SIPA1: variants seen among roughly 807,000 people sequenced by gnomAD.
SIPA1 encodes signal-induced proliferation-associated 1, also known as signal-induced proliferation-associated protein 1.
A neutral mutation model predicts 88.1 loss-of-function variants in SIPA1; 51 were observed. The observed-to-expected ratio is 0.58, with a 90% CI of 0.46 to 0.73. SIPA1 has a LOEUF of 0.73. Ranked by LOEUF, SIPA1 falls within the 30% of genes least tolerant of loss-of-function variation. The probability of loss-of-function intolerance (pLI) is 0.00; values close to 1 mark genes in which losing one functional copy is unlikely to be tolerated. For missense variants in SIPA1, 1,348 were observed against 1,467.6 expected, an observed-to-expected ratio of 0.92 and a Z score of 1.33; for synonymous variants, 681 against 664.8, an observed-to-expected ratio of 1.02 and a Z score of -0.37.
rs764805444 is a variant in SIPA1, at chr11:65,647,008, G to A, written c.1974G>A (p.Thr658=). The change falls in exon 8 of 16, where the codon ACG becomes ACA. Residue 658 remains threonine (T), a synonymous_variant. Coordinates refer to ENST00000534313, the MANE Select transcript of SIPA1 (RefSeq NM_006747.4). The part of the protein sequence containing the change: ...DLYHGRGEAI[T]LRFDGSPGQA... The stretch of plus-strand genomic sequence containing the variant: ...ACCACGGCCGCGGGGAGGCGATCAC[G>A]CTGCGCTTCGACGGGTCCCCCGGCC... The A allele has an allele frequency of 3.2e-5, 50 of 1,540,084 alleles. No individual in the cohort carries two copies. Among genetic ancestry groups the A allele is most frequent in the Non-Finnish European group, 4.2e-5 (48 of 1,148,856 alleles).
At position 65,646,751 on chromosome 11, in the gene SIPA1, G is replaced by T; in HGVS notation, c.1717G>T (p.Ala573Ser). 1.3e-6 allele frequency: 2 copies of T among 1,505,802 alleles called. No individual in the cohort carries two copies. Among genetic ancestry groups the T allele is most frequent in the Non-Finnish European group, 8.8e-7 (1 of 1,133,464 alleles). 93.3% of individuals were successfully genotyped at this position (1,505,802 alleles called of 1,614,324 possible). A position where few individuals can be genotyped will look rare whatever the true frequency, so the allele number is the denominator to read the frequency against. The stretch of plus-strand genomic sequence containing the variant: ...CCGGGCGGCCCCTCGGGGCCCAGGC[G>T]CCGAGCTGCAGGCAGCGGGCTCACT... ...RRRAAPRGPG[A>S]ELQAAGSLVW... The change falls in exon 8 of 16, where the codon GCC becomes TCC. Residue 573 changes from alanine to serine, a missense_variant. This residue lies in a region of SIPA1 where 68 missense variants were observed against 59.0 expected (regional missense o/e 1.15). Coordinates refer to ENST00000534313, the MANE Select transcript of SIPA1 (RefSeq NM_006747.4). The surrounding 1 kb of genome is among the most constrained non-coding windows in gnomAD (Gnocchi z 7.5).
In SIPA1 at chr11:65,649,804, G is replaced by A. The variant is rs923591113; in HGVS notation, c.2685G>A (p.Ala895=). The change falls in exon 12 of 16, where the codon GCG becomes GCA. Residue 895 remains alanine, a synonymous_variant. Coordinates refer to ENST00000534313, the MANE Select transcript of SIPA1 (RefSeq NM_006747.4). ...PSGSEDKGNP[A]PELRASFLPR... ...GCTCTGAGGACAAGGGCAACCCGGC[G>A]CCGGAGCTGAGGGCCTCCTTTCTGC... 10 of 1,613,980 alleles carry A rather than the reference G, an allele frequency of 6.2e-6. No individual in the cohort carries two copies. The highest frequency in any genetic ancestry group is 5.0e-5 in the Admixed American group (3 of 60,006).
At position 65,646,776 on chromosome 11, in the gene SIPA1, T is replaced by C; in HGVS notation, c.1742T>C (p.Leu581Pro). 1.4e-6 allele frequency: 2 copies of C among 1,426,392 alleles called. No homozygotes were observed. The highest frequency in any genetic ancestry group is 1.8e-6 in the Non-Finnish European group (2 of 1,096,508). 88.4% of individuals were successfully genotyped at this position (1,426,392 alleles called of 1,614,324 possible). A position where few individuals can be genotyped will look rare whatever the true frequency, so the allele number is the denominator to read the frequency against. Residue 581 changes from leucine to proline, a missense_variant, in exon 8 of 16, where the codon CTG (leucine) becomes CCG (proline). Coordinates refer to ENST00000534313, the MANE Select transcript of SIPA1 (RefSeq NM_006747.4). The surrounding 1 kb of genome is among the most constrained non-coding windows in gnomAD (Gnocchi z 7.5). The part of the protein sequence containing the change: ...PGAELQAAGS[L>P]VWGVRAAPGA... The stretch of plus-strand genomic sequence containing the variant: ...GCCGAGCTGCAGGCAGCGGGCTCAC[T>C]GGTGTGGGGAGTGCGCGCGGCGCCC...
chr11:65,646,426 C>T lies in SIPA1; in HGVS notation c.1422-30C>T, dbSNP rs761929318. 2 of 1,596,066 alleles carry T rather than the reference C, an allele frequency of 1.3e-6. No individual in the cohort carries two copies. Among genetic ancestry groups the T allele is most frequent in the Non-Finnish European group, 1.7e-6 (2 of 1,174,754 alleles). The stretch of plus-strand genomic sequence containing the variant: ...GTCTCCCGTGGGCATGGAGTCCTGC[C>T]GCCCCTCACTAACGCCTCCCTCCCC... On this transcript the variant is annotated intron_variant, in intron 7 of 15. Transcript: ENST00000534313. The surrounding 1 kb of genome is among the most constrained non-coding windows in gnomAD (Gnocchi z 7.5).
Position 65,642,430 on chromosome 11 carries a change from T to C in SIPA1, c.808-33T>C. 6.2e-7 allele frequency: 1 copy of C among 1,604,836 alleles called. No homozygotes were observed. Among genetic ancestry groups the C allele is most frequent in the East Asian group, 2.3e-5 (1 of 44,382 alleles). On this transcript the variant is annotated intron_variant, in intron 3 of 15. Transcript: ENST00000534313. This position sits in a 1 kb window ranked among gnomAD's most constrained non-coding sequence, Gnocchi z 6.5. ...TGGGTTGCCTCCCCGACACCTTGTATGCATCCTGAGTGCCCTTACACCCCT... is the reference window on the plus strand; with the variant it reads ...TGGGTTGCCTCCCCGACACCTTGTACGCATCCTGAGTGCCCTTACACCCCT...
At chr11:65,650,221 T>C (rs756035664) in intron 14 of SIPA1, 29 bp downstream of exon 14, 3 of 1,612,270 alleles carry the variant, frequency 1.9e-6, no homozygotes, top group Non-Finnish European at 2.5e-6. Flanking sequence ...CACAGCCGCT[T>C]TACCTGCCCA....
chr11:65,641,095 C>T lies in SIPA1; in HGVS notation c.174C>T (p.Gly58=), dbSNP rs368578306. The T allele has an allele frequency of 1.3e-5, 21 of 1,599,904 alleles. No individual in the cohort carries two copies. Among genetic ancestry groups the T allele is most frequent in the Admixed American group, 6.7e-5 (4 of 59,658 alleles). ...TCCTGCGCAGCGGCAGCGATGCAGGCGAGGCCAGGCCCCCCACGCCAGCCA... is the reference window on the plus strand; with the variant it reads ...TCCTGCGCAGCGGCAGCGATGCAGGTGAGGCCAGGCCCCCCACGCCAGCCA... ...GPLLRSGSDA[G]EARPPTPASP... is the part of the protein sequence containing the mutation. The change falls in exon 2 of 16, where the codon GGC becomes GGT. Residue 58 remains glycine (G), a synonymous_variant. Transcript: ENST00000534313.
In SIPA1 at chr11:65,647,451, T is replaced by G; in HGVS notation, c.2099T>G (p.Phe700Cys). The G allele has an allele frequency of 6.7e-7, 1 of 1,482,520 alleles. No individual in the cohort carries two copies. The allele number at this position is 1,482,520 out of a possible 1,614,324, so 91.8% of individuals were successfully genotyped here. Reference protein sequence around the residue: ...LPRDGQGRLGFEVDAEGFVTH... With the variant: ...LPRDGQGRLGCEVDAEGFVTH... Reference sequence around the variant, plus strand: ...CGCGACGGTCAAGGCCGCCTGGGCTTCGAGGTGGACGCCGAGGGATTCGTC... The same window carrying G: ...CGCGACGGTCAAGGCCGCCTGGGCTGCGAGGTGGACGCCGAGGGATTCGTC... Residue 700 changes from phenylalanine (F) to cysteine (C), a missense_variant, in exon 9 of 16, where the codon TTC (phenylalanine) becomes TGC (cysteine). Phe to Cys is a radical substitution (Grantham distance 205). Transcript: ENST00000534313.
rs756645078 is a variant in SIPA1 at position 65,647,489 on chromosome 11, C to T, written c.2137C>T (p.Arg713Cys). 1.4e-6 allele frequency: 2 copies of T among 1,443,286 alleles called. No homozygotes were observed. The highest frequency in any genetic ancestry group is 1.3e-5 in the South Asian group (1 of 74,764). The allele number at this position is 1,443,286 out of a possible 1,614,324, so 89.4% of individuals were successfully genotyped here. ...DAEGFVTHVERFTFAETAGLR... is the reference protein window; with the variant it reads ...DAEGFVTHVECFTFAETAGLR... ...CGAGGGATTCGTCACGCACGTGGAG[C>T]GCTTCACATTCGCCGAGACGGCGGG... The change falls in exon 9 of 16, where the codon CGC becomes TGC. Residue 713 changes from arginine (R) to cysteine (C), a missense_variant. Coordinates refer to ENST00000534313, the MANE Select transcript of SIPA1 (RefSeq NM_006747.4).
intron 2 of SIPA1, among the ~76,000 whole-genome samples, chr11:65,641,822 C>T (rs1856009832): frequency 6.6e-6 from 1 of 152,214 alleles, no homozygotes; most frequent in Admixed American, 6.5e-5. Flanking sequence ...GGTCCCTCTG[C>T]CTCCGTATTG....
At position 65,646,126 on chromosome 11, in the gene SIPA1, G is replaced by A; in HGVS notation, c.1264-95G>A. On this transcript the variant is annotated intron_variant, in intron 6 of 15. Coordinates refer to ENST00000534313, the MANE Select transcript of SIPA1 (RefSeq NM_006747.4). This position sits in a 1 kb window ranked among gnomAD's most constrained non-coding sequence, Gnocchi z 7.5. ...CCTAGGTCTTCACCAGGGGCAGTGG[G>A]GGAGCCATTGGTGCCTTGGCTTTCT... 6.9e-7 allele frequency: 1 copy of A among 1,457,854 alleles called. No individual in the cohort carries two copies. The allele number at this position is 1,457,854 out of a possible 1,614,324, so 90.3% of individuals were successfully genotyped here.
rs1319714970 is a variant in SIPA1 at position 65,646,991 on chromosome 11, C to T, written c.1957C>T (p.Arg653Cys). Residue 653 changes from arginine (R) to cysteine (C), a missense_variant, in exon 8 of 16, where the codon CGC becomes TGC. Around this residue, in one of 4 missense-constraint regions of SIPA1, gnomAD observed 615 missense variants for 559.8 expected, o/e 1.10. Transcript: ENST00000534313. The surrounding 1 kb of genome is among the most constrained non-coding windows in gnomAD (Gnocchi z 7.5). ...SEQQLDLYHG[R>C]GEAITLRFDG... ...GCAGCAGCTGGACCTGTACCACGGC[C>T]GCGGGGAGGCGATCACGCTGCGCTT... 6.5e-7 allele frequency: 1 copy of T among 1,539,712 alleles called. No individual in the cohort carries two copies. The highest frequency in any genetic ancestry group is 8.7e-7 in the Non-Finnish European group (1 of 1,148,454).
chr11:65,641,691 TC>T, intron 2 of SIPA1, 91 bp downstream of exon 2: 1 of 1,205,408 alleles, frequency 8.3e-7, no homozygotes, highest in Non-Finnish European at 1.1e-6. Flanking sequence ...TCATGAACTG[TC>T]CATTTCCTGT....
At position 65,646,740 on chromosome 11, in the gene SIPA1, G is replaced by C. The variant is rs1856126626; in HGVS notation, c.1706G>C (p.Arg569Pro). The C allele has an allele frequency of 6.6e-7, 1 of 1,519,882 alleles. No homozygotes were observed. Among genetic ancestry groups the C allele is most frequent in the Non-Finnish European group, 8.8e-7 (1 of 1,138,480 alleles). 94.1% of individuals were successfully genotyped at this position (1,519,882 alleles called of 1,614,324 possible). The change falls in exon 8 of 16, where the codon CGG becomes CCG. Residue 569 changes from arginine to proline, a missense_variant. By Grantham distance (103) the Arg-to-Pro change is moderately radical (BLOSUM62 -2). Coordinates refer to ENST00000534313, the MANE Select transcript of SIPA1 (RefSeq NM_006747.4). The surrounding 1 kb of genome is among the most constrained non-coding windows in gnomAD (Gnocchi z 7.5). The part of the protein sequence containing the change: ...SLGGRRRAAP[R>P]GPGAELQAAG... ...GGTGGGAGGCGCCGGGCGGCCCCTC[G>C]GGGCCCAGGCGCCGAGCTGCAGGCA...
In SIPA1 at chr11:65,645,734, C is replaced by G. The variant is rs952241344; in HGVS notation, c.1160-120C>G. 9 of 635,964 alleles carry G rather than the reference C, an allele frequency of 1.4e-5. No individual in the cohort carries two copies. The Middle Eastern group carries it at 7.6e-4, about 54-fold the overall frequency. The allele number at this position is 635,964 out of a possible 1,614,324, so 39.4% of individuals were successfully genotyped here. On this transcript the variant is annotated intron_variant, in intron 5 of 15. Coordinates refer to ENST00000534313, the MANE Select transcript of SIPA1 (RefSeq NM_006747.4). The stretch of plus-strand genomic sequence containing the variant: ...GGCTGGGCATTGGCTGGTGGCATGA[C>G]TGGTTGTCCACCTGCTGTTTGGGGC...
At chr11:65,641,671 A>G in intron 2 of SIPA1, 71 bp downstream of exon 2, 1 of 1,339,734 alleles carries the variant, frequency 7.5e-7, no homozygotes, top group South Asian at 1.4e-5. Context: ...TGCAGTGCAC[A>G]CAGTAGGGCT....
In SIPA1 at chr11:65,650,247, G is replaced by A. The variant is rs369891649; in HGVS notation, c.2903+55G>A. On this transcript the variant is annotated intron_variant, in intron 14 of 15. Transcript: ENST00000534313. ...TACCTGCCCACATGACCCCCCCTTCGTGCCTGTCTGCTGGGGTGGAGCTCT... is the reference window on the plus strand; with the variant it reads ...TACCTGCCCACATGACCCCCCCTTCATGCCTGTCTGCTGGGGTGGAGCTCT... The A allele has an allele frequency of 1.1e-5, 17 of 1,585,982 alleles. No individual in the cohort carries two copies. In the Admixed American group the frequency reaches 1.2e-4, roughly 11 times the overall value.
Position 65,646,760 on chromosome 11 carries a change from C to T in SIPA1, c.1726C>T (p.Gln576Ter). 6.7e-7 allele frequency: 1 copy of T among 1,494,172 alleles called. No individual in the cohort carries two copies. Among genetic ancestry groups the T allele is most frequent in the Non-Finnish European group, 8.9e-7 (1 of 1,128,766 alleles). 92.6% of individuals were successfully genotyped at this position (1,494,172 alleles called of 1,614,324 possible). ...AAPRGPGAEL[Q>*]AAGSLVWGVR... ...CCCTCGGGGCCCAGGCGCCGAGCTG[C>T]AGGCAGCGGGCTCACTGGTGTGGGG... Residue 576 changes from glutamine to a stop codon, truncating the protein, a stop_gained, in exon 8 of 16, where the codon CAG becomes TAG. Transcript: ENST00000534313. LOFTEE classifies it high-confidence loss of function. This position sits in a 1 kb window ranked among gnomAD's most constrained non-coding sequence, Gnocchi z 7.5.
chr11:65,650,217 C>G (rs531926106), intron 14 of SIPA1, 25 bp downstream of exon 14: 2 of 1,612,430 alleles, frequency 1.2e-6, no homozygotes. Context: ...TCCCCACAGC[C>G]GCTTTACCTG....
Sources: allele counts gnomAD v4.1 joint callset (sites outside exome capture counted in the v4.1 genomes callset), GRCh38; gene constraint gnomAD v4.1.1; regional missense constraint gnomAD v4.1.1; non-coding constraint Gnocchi (gnomAD v3.1); transcripts MANE v1.5; gene names NCBI Gene and HGNC (gene_info 2026-07-23, HGNC 2026-07-21).